Variants in ARL6IP4 observed in about 807,000 individuals in gnomAD.
The protein encoded by ARL6IP4 is ADP-ribosylation factor-like protein 6-interacting protein 4.
Under a neutral mutation model 28.1 loss-of-function variants are expected in ARL6IP4, and 24 were observed. The observed-to-expected ratio is 0.86, with a 90% CI of 0.62 to 1.20. The LOEUF (loss-of-function observed/expected upper bound fraction) is 1.20, where lower values mean the gene tolerates loss of function less well. Ranked by LOEUF, ARL6IP4 falls within the 50% of genes most tolerant of loss-of-function variation. The pLI, the probability that ARL6IP4 is intolerant of heterozygous loss-of-function variation, is 0.00. For missense variants in ARL6IP4, 343 were observed against 302.4 expected (o/e 1.13, Z -1.00); for synonymous variants, 162 against 122.3 (o/e 1.32, Z -2.14).
chr12:122,980,333 A>G (rs1354646428), upstream of ARL6IP4: 4 of 1,303,862 alleles, frequency 3.1e-6, no homozygotes, highest in Admixed American at 3.2e-5. Context: ...CCTCTGAGTC[A>G]CTGGGTGGGC....
At chr12:122,980,668 C>A, upstream of ARL6IP4, 1 of 1,363,734 alleles carries the variant, frequency 7.3e-7, no homozygotes, top group Non-Finnish European at 9.4e-7. Flanking sequence ...CGCGCAGCGC[C>A]CCGGCCGGAA....
At chr12:122,980,856 ACGG>A in intron 1 of ARL6IP4, 111 bp downstream of exon 1, 2 of 1,330,984 alleles carry the variant, frequency 1.5e-6, no homozygotes, top group Non-Finnish European at 9.5e-7. Flanking sequence ...CTCGCGGCGG[ACGG>A]CGGCCAGTTC....
rs182360188 is a variant in ARL6IP4 at position 122,981,724 on chromosome 12, G to A, written c.314G>A (p.Gly105Glu). The A allele has an allele frequency of 7.7e-6, 12 of 1,553,058 alleles. No homozygotes were observed. The South Asian group carries it at 1.2e-4, about 15-fold the overall frequency. The change falls in exon 3 of 6, where the codon GGG (glycine) becomes GAG (glutamate). Residue 105 changes from glycine (G) to glutamate (E), a missense_variant. By Grantham distance (98) the Gly-to-Glu change is moderately conservative. Coordinates refer to ENST00000315580, the MANE Select transcript of ARL6IP4 (RefSeq NM_018694.4). ...SSSSDGRKKR[G>E]KYKDKRRKKK... ...TCCAGTGATGGCCGGAAGAAGCGGG[G>A]GAAGTACAAGGACAAGAGGAGGAAG...
At chr12:122,980,604 T>G (rs1164636201), upstream of ARL6IP4, 3 of 1,408,928 alleles carry the variant, frequency 2.1e-6, no homozygotes, top group Non-Finnish European at 2.8e-6. Flanking sequence ...GGACGGAACC[T>G]GGGGCGTCAG....
At chr12:122,980,533 G>T, upstream of ARL6IP4, 1 of 1,366,608 alleles carries the variant, frequency 7.3e-7, no homozygotes. Context: ...ACAGGCGTGA[G>T]GGGCTGCGGA....
Position 122,981,760 on chromosome 12 carries a change from A to G in ARL6IP4, c.350A>G (p.Lys117Arg), listed in dbSNP as rs550025071. 2.6e-6 allele frequency: 4 copies of G among 1,562,272 alleles called. No homozygotes were observed. In the South Asian group the frequency reaches 3.5e-5, roughly 14 times the overall value. The stretch of plus-strand genomic sequence containing the variant: ...GACAAGAGGAGGAAGAAGAAGAAGA[A>G]GAGGAAGAAGCTGAAGAAGAAGGGC... ...YKDKRRKKKKKRKKLKKKGKE... is the reference protein window; with the variant it reads ...YKDKRRKKKKRRKKLKKKGKE... Residue 117 changes from lysine (K) to arginine (R), a missense_variant, in exon 3 of 6, where the codon AAG (lysine) becomes AGG (arginine). Lys to Arg is a conservative substitution (Grantham distance 26, BLOSUM62 2). Coordinates refer to ENST00000315580, the MANE Select transcript of ARL6IP4 (RefSeq NM_018694.4).
At chr12:122,981,342 C>G (rs1203266093) in intron 2 of ARL6IP4, 43 bp downstream of exon 2, 11 of 1,517,704 alleles carry the variant, frequency 7.2e-6, no homozygotes, top group Non-Finnish European at 9.7e-6. Context: ...CAGTTACTAC[C>G]CGGGGAAGTC....
chr12:122,980,473 G>C, upstream of ARL6IP4: 1 of 1,363,814 alleles, frequency 7.3e-7, no homozygotes, highest in Non-Finnish European at 9.4e-7. Context: ...TGGGTGCTGC[G>C]GGCGTGCGCC....
rs1347548121 is a variant in ARL6IP4 at position 122,982,476 on chromosome 12, A to G, written c.595A>G (p.Lys199Glu). The G allele has an allele frequency of 6.2e-7, 1 of 1,613,236 alleles. No individual in the cohort carries two copies. Among genetic ancestry groups the G allele is most frequent in the African/African-American group, 1.3e-5 (1 of 74,854 alleles). The change falls in exon 5 of 6, where the codon AAG becomes GAG. Residue 199 changes from lysine (K) to glutamate (E), a missense_variant. Physicochemically the swap from Lys to Glu is moderately conservative, Grantham distance 56. Coordinates refer to ENST00000315580, the MANE Select transcript of ARL6IP4 (RefSeq NM_018694.4). ...AGACCCTCCCACCCCCAGGCTTATT[A>G]AGGGAGATGGCGAGGTCCTAGAGGA... Reference protein sequence around the residue: ...DPETGRTRLIKGDGEVLEEIV... With the variant: ...DPETGRTRLIEGDGEVLEEIV...
At position 122,981,125 on chromosome 12, in the gene ARL6IP4, C is replaced by A; in HGVS notation, c.-11-4C>A. ...CGGCTCAAGCGCGTCTTCTTCGTCG[C>A]CAGCCCGCGGCGCCATGGCTCACGT... On this transcript the variant is annotated splice_region_variant and splice_polypyrimidine_tract_variant and intron_variant, in intron 1 of 5. Coordinates refer to ENST00000315580, the MANE Select transcript of ARL6IP4 (RefSeq NM_018694.4). 1 of 1,547,404 alleles carries A rather than the reference C, an allele frequency of 6.5e-7. No homozygotes were observed.
At position 122,982,819 on chromosome 12, in the gene ARL6IP4, G is replaced by A; in HGVS notation, c.*143G>A. Reference sequence around the variant, plus strand: ...GGCCCAGCCCAGTCTCTTCTCAGGGGCAGGGGGTGGAGGTTGGGGTCACCG... The same window carrying A: ...GGCCCAGCCCAGTCTCTTCTCAGGGACAGGGGGTGGAGGTTGGGGTCACCG... On this transcript the variant is annotated 3_prime_UTR_variant, in exon 6 of 6. Coordinates refer to ENST00000315580, the MANE Select transcript of ARL6IP4 (RefSeq NM_018694.4). 1 of 879,568 alleles carries A rather than the reference G, an allele frequency of 1.1e-6. No homozygotes were observed. Among genetic ancestry groups the A allele is most frequent in the Non-Finnish European group, 1.8e-6 (1 of 569,666 alleles). 54.5% of individuals were successfully genotyped at this position (879,568 alleles called of 1,614,324 possible).
chr12:122,982,056 C>T lies in ARL6IP4; in HGVS notation c.569C>T (p.Pro190Leu), dbSNP rs149240403. The T allele has an allele frequency of 3.1e-6, 5 of 1,613,416 alleles. No individual in the cohort carries two copies. The African/African-American group carries it at 6.7e-5, about 22-fold the overall frequency. ...AGCATCATCCGCAAGGTGGTGGACC[C>T]TGAGACGGGGCGCACCAGGTGGGGA... ...RQSIIRKVVDPETGRTRLIKG... is the reference protein window; with the variant it reads ...RQSIIRKVVDLETGRTRLIKG... Residue 190 changes from proline to leucine, a missense_variant, in exon 4 of 6, where the codon CCT (proline) becomes CTT (leucine). Coordinates refer to ENST00000315580, the MANE Select transcript of ARL6IP4 (RefSeq NM_018694.4).
chr12:122,981,733 A>C lies in ARL6IP4; in HGVS notation c.323A>C (p.Lys108Thr), dbSNP rs766169331. Residue 108 changes from lysine to threonine, a missense_variant, in exon 3 of 6, where the codon AAG becomes ACG. Physicochemically the swap from Lys to Thr is moderately conservative, Grantham distance 78. Coordinates refer to ENST00000315580, the MANE Select transcript of ARL6IP4 (RefSeq NM_018694.4). Reference sequence around the variant, plus strand: ...GGCCGGAAGAAGCGGGGGAAGTACAAGGACAAGAGGAGGAAGAAGAAGAAG... The same window carrying C: ...GGCCGGAAGAAGCGGGGGAAGTACACGGACAAGAGGAGGAAGAAGAAGAAG... ...SDGRKKRGKY[K>T]DKRRKKKKKR... 4.0e-5 allele frequency: 62 copies of C among 1,553,626 alleles called. No individual in the cohort carries two copies. The highest frequency in any genetic ancestry group is 1.7e-4 in the Middle Eastern group (1 of 6,010).
chr12:122,982,128 G>A (rs2037704785), intron 4 of ARL6IP4, 54 bp downstream of exon 4: 8 of 1,586,298 alleles, frequency 5.0e-6, no homozygotes, highest in East Asian at 4.5e-5. Context: ...GTTGGCTGAA[G>A]ATGTGTGCTC....
In ARL6IP4 at chr12:122,982,680, C is replaced by G. The variant is rs1261887306; in HGVS notation, c.*4C>G. On this transcript the variant is annotated 3_prime_UTR_variant, in exon 6 of 6. Transcript: ENST00000315580. The stretch of plus-strand genomic sequence containing the variant: ...GCGAGCTGGGTTGCTTCCCTGAGGG[C>G]CCCCGCTGGCCAAGGCCTGTGGACG... 1 of 1,613,314 alleles carries G rather than the reference C, an allele frequency of 6.2e-7. No homozygotes were observed. Among genetic ancestry groups the G allele is most frequent in the Admixed American group, 1.7e-5 (1 of 60,026 alleles).
At position 122,981,647 on chromosome 12, in the gene ARL6IP4, T is replaced by G; in HGVS notation, c.237T>G (p.Ser79=). 2 of 1,556,820 alleles carry G rather than the reference T, an allele frequency of 1.3e-6. No individual in the cohort carries two copies. The highest frequency in any genetic ancestry group is 3.8e-5 in the Admixed American group (2 of 52,022). Reference sequence around the variant, plus strand: ...GAACAAGATCCAGCTCCTCCTCCTCTTCTTCCAGTTCTTCTAGCTCCTCTT... The same window carrying G: ...GAACAAGATCCAGCTCCTCCTCCTCGTCTTCCAGTTCTTCTAGCTCCTCTT... The part of the protein sequence containing the change: ...RRRTRSSSSS[S]SSSSSSSSSS... Residue 79 remains serine (S), a synonymous_variant, in exon 3 of 6, where the codon TCT becomes TCG. Coordinates refer to ENST00000315580, the MANE Select transcript of ARL6IP4 (RefSeq NM_018694.4).
rs932720016 is a variant in ARL6IP4 at position 122,981,683 on chromosome 12, G to A, written c.273G>A (p.Ser91=). 1.4e-5 allele frequency: 21 copies of A among 1,552,970 alleles called. No homozygotes were observed. Among genetic ancestry groups the A allele is most frequent in the East Asian group, 2.4e-5 (1 of 41,378 alleles). ...CTTCTAGCTCCTCTTCTTCCTCCTCGTCCTCCTCCTCTTCCTCCAGTGATG... is the reference window on the plus strand; with the variant it reads ...CTTCTAGCTCCTCTTCTTCCTCCTCATCCTCCTCCTCTTCCTCCAGTGATG... ...SSSSSSSSSS[S]SSSSSSSDGR... is the part of the protein sequence containing the mutation. The change falls in exon 3 of 6, where the codon TCG becomes TCA. Residue 91 remains serine, a synonymous_variant. Coordinates refer to ENST00000315580, the MANE Select transcript of ARL6IP4 (RefSeq NM_018694.4).
chr12:122,982,081 A>G lies in ARL6IP4; in HGVS notation c.587+7A>G, dbSNP rs1427706662. 2 of 1,612,670 alleles carry G rather than the reference A, an allele frequency of 1.2e-6. No individual in the cohort carries two copies. The highest frequency in any genetic ancestry group is 1.3e-5 in the African/African-American group (1 of 74,864). On this transcript the variant is annotated splice_region_variant and intron_variant, in intron 4 of 5. Transcript: ENST00000315580. The stretch of plus-strand genomic sequence containing the variant: ...CTGAGACGGGGCGCACCAGGTGGGG[A>G]GCTTTCGGCCTGACTTACACCACAG...
In ARL6IP4 at chr12:122,981,262, C is replaced by G; in HGVS notation, c.123C>G (p.Ser41=). The change falls in exon 2 of 6, where the codon TCC becomes TCG. Residue 41 remains serine (S), a synonymous_variant. Transcript: ENST00000315580. ...DTSRNCSAST[S]QGRKASTAPG... Reference sequence around the variant, plus strand: ...CGAGGAACTGCTCGGCCTCCACATCCCAAGGTCGCAAGGCCAGCACGGCCC... The same window carrying G: ...CGAGGAACTGCTCGGCCTCCACATCGCAAGGTCGCAAGGCCAGCACGGCCC... 1.3e-6 allele frequency: 2 copies of G among 1,549,820 alleles called. No individual in the cohort carries two copies. Among genetic ancestry groups the G allele is most frequent in the Non-Finnish European group, 1.7e-6 (2 of 1,146,526 alleles).
Sources: gnomAD v4.1 joint callset for allele counts on GRCh38, gnomAD v4.1.1 for gene constraint, MANE v1.5 for transcripts, NCBI Gene and HGNC (gene_info 2026-07-23, HGNC 2026-07-21) for gene names.